Variants in ABCC9 observed in about 807,000 individuals in gnomAD.
ABCC9 encodes the protein ATP binding cassette subfamily C member 9, also known as ATP-binding cassette sub-family C member 9.
Under a neutral mutation model 188.3 loss-of-function variants are expected in ABCC9, and 95 were observed. That is an observed-to-expected ratio of 0.50 (90% confidence interval 0.43 to 0.60). The LOEUF (loss-of-function observed/expected upper bound fraction) is 0.60. ABCC9 is among the 20% of genes least tolerant of loss of function. The pLI is 0.00. For missense variants in ABCC9, 1,102 were observed against 1,876.3 expected, an observed-to-expected ratio of 0.59 and a Z score of 7.62; for synonymous variants, 659 against 652.7, an observed-to-expected ratio of 1.01 and a Z score of -0.15.
intron 33 of ABCC9, among the ~76,000 whole-genome samples, 190 bp from the exon 34 acceptor site, chr12:21,816,083 T>G (rs1942627149): frequency 1.0e-5 from 1 of 98,472 alleles, no homozygotes; most frequent in Non-Finnish European, 2.0e-5. Flanking sequence ...TTTTTTTTAG[T>G]TTAAATCACA....
intron 39 of ABCC9, chr12:21,805,150 C>G (rs1293483418): frequency 5.6e-6 from 9 of 1,613,754 alleles, no homozygotes; most frequent in Non-Finnish European, 7.6e-6. Flanking sequence ...GAATGACAGA[C>G]TTGGTGCAAT....
At chr12:21,838,459 T>C (rs1384887955) in intron 29 of ABCC9, among the ~76,000 whole-genome samples, 2 of 152,220 alleles carry the variant, frequency 1.3e-5, no homozygotes, top group Non-Finnish European at 2.9e-5. Flanking sequence ...GAATGAGCAC[T>C]TAATTCATAC....
At position 21,800,515 on chromosome 12, in the gene ABCC9, AAAG is replaced by A. The variant is rs1437644189; in HGVS notation, c.*526_*528del. ...TTGGTGACAAGAAACAAAAGGGAAAAAAGAAGGCTCTTAAGAAAAATAGGTATT... is the reference window on the plus strand; with the variant it reads ...TTGGTGACAAGAAACAAAAGGGAAAAAAGGCTCTTAAGAAAAATAGGTATT... On this transcript the variant is annotated 3_prime_UTR_variant, in exon 40 of 40. Coordinates refer to ENST00000261200, the MANE Select transcript of ABCC9 (RefSeq NM_020297.4). 1 of 155,326 alleles carries A rather than the reference AAAG, an allele frequency of 6.4e-6. No individual in the cohort carries two copies. The highest frequency in any genetic ancestry group is 2.4e-5 in the African/African-American group (1 of 41,468). 9.6% of individuals were successfully genotyped at this position (155,326 alleles called of 1,614,324 possible).
At position 21,797,672 on chromosome 12, in the gene ABCC9, A is replaced by G. The variant is rs904004307; in HGVS notation, c.*3372T>C. ...CAAGACATGGTCCCGAATCTCAGTT[A>G]TCAGTTACTTAGAGGGTCTTCTGGT... On this transcript the variant is annotated 3_prime_UTR_variant, in exon 40 of 40. Transcript: ENST00000261200. The G allele has an allele frequency of 2.6e-5, 4 of 152,198 alleles. No individual in the cohort carries two copies. Among genetic ancestry groups the G allele is most frequent in the Non-Finnish European group, 4.4e-5 (3 of 68,026 alleles). The allele number at this position is 152,198 out of a possible 1,614,324, so 9.4% of individuals were successfully genotyped here. A position where few individuals can be genotyped will look rare whatever the true frequency, so the allele number is the denominator to read the frequency against.
At chr12:21,914,762 T>C (rs2137904796) in intron 7 of ABCC9, among the ~76,000 whole-genome samples, 1 of 152,296 alleles carries the variant, frequency 6.6e-6, no homozygotes, top group African/African-American at 2.4e-5. Context: ...CATGTATTAA[T>C]GGAGCAACTA....
At chr12:21,860,047 AC>A (rs1285284376) in intron 21 of ABCC9, among the ~76,000 whole-genome samples, 1 of 152,014 alleles carries the variant, frequency 6.6e-6, no homozygotes, top group African/African-American at 2.4e-5. Context: ...GTGAAAGAGT[AC>A]TATCCAAGAG....
intron 15 of ABCC9, among the ~76,000 whole-genome samples, chr12:21,883,392 G>T (rs997185743): frequency 5.9e-5 from 9 of 152,198 alleles, no homozygotes; most frequent in African/African-American, 2.2e-4. Flanking sequence ...ACATAGGGGA[G>T]TTCCCCTGCA....
chr12:21,910,790 C>G, intron 9 of ABCC9, 36 bp downstream of exon 9: 1 of 1,580,508 alleles, frequency 6.3e-7, no homozygotes, highest in South Asian at 1.1e-5. Context: ...ATATAGCATT[C>G]TTAGGAAACA....
chr12:21,917,393 T>C (rs756230390), intron 5 of ABCC9, among the ~76,000 whole-genome samples: 74 of 152,178 alleles, frequency 4.9e-4, no homozygotes, highest in Non-Finnish European at 1.5e-4. Flanking sequence ...AAAATGTACG[T>C]GTAAGTCTAT....
intron 30 of ABCC9, among the ~76,000 whole-genome samples, chr12:21,830,244 C>G (rs939860195): frequency 3.3e-5 from 5 of 152,176 alleles, no homozygotes; most frequent in Non-Finnish European, 7.3e-5. Context: ...AAAATCTTCT[C>G]TAAATCACAA....
At chr12:21,887,168 G>C (rs1000286404) in intron 15 of ABCC9, among the ~76,000 whole-genome samples, 1 of 152,070 alleles carries the variant, frequency 6.6e-6, no homozygotes, top group African/African-American at 2.4e-5. Context: ...TTTAAATAAA[G>C]CTTATTCATA....
chr12:21,873,539 C>T (rs1027137173), intron 17 of ABCC9, among the ~76,000 whole-genome samples: 1 of 152,092 alleles, frequency 6.6e-6, no homozygotes, highest in South Asian at 2.1e-4. Flanking sequence ...ATCCCTACAG[C>T]ATTTTTTACA....
intron 22 of ABCC9, among the ~76,000 whole-genome samples, chr12:21,858,440 A>T (rs1031316606): frequency 2.0e-5 from 3 of 151,840 alleles, no homozygotes; most frequent in African/African-American, 7.3e-5. Flanking sequence ...ATAGCCAAGT[A>T]TGGTGGTATG....
chr12:21,848,056 G>T, intron 25 of ABCC9, 94 bp downstream of exon 25: 2 of 1,064,840 alleles, frequency 1.9e-6, no homozygotes, highest in Non-Finnish European at 2.9e-6. Flanking sequence ...CTGGCAAAGT[G>T]GCTTATTATT....
intron 14 of ABCC9, among the ~76,000 whole-genome samples, chr12:21,891,579 T>C (rs370888094): frequency 1.3e-5 from 2 of 152,240 alleles, no homozygotes; most frequent in East Asian, 1.9e-4. Context: ...AGCCAAACCT[T>C]ATTAAAAGAA....
intron 18 of ABCC9, among the ~76,000 whole-genome samples, chr12:21,871,668 C>T (rs979748525): frequency 6.6e-6 from 1 of 152,164 alleles, no homozygotes; most frequent in Non-Finnish European, 1.5e-5. Flanking sequence ...AACCTCAGCA[C>T]AATTGATATT....
chr12:21,799,136 T>C lies in ABCC9; in HGVS notation c.*1908A>G, dbSNP rs1251066961. The C allele has an allele frequency of 1.3e-5, 2 of 149,562 alleles. No individual in the cohort carries two copies. Among genetic ancestry groups the C allele is most frequent in the Non-Finnish European group, 3.0e-5 (2 of 67,558 alleles). 9.3% of individuals were successfully genotyped at this position (149,562 alleles called of 1,614,324 possible). Reference sequence around the variant, plus strand: ...TGGGGAGGGATAGCATTGGGAGATATACCTAATGCTAGATGACGAGTTAGT... The same window carrying C: ...TGGGGAGGGATAGCATTGGGAGATACACCTAATGCTAGATGACGAGTTAGT... On this transcript the variant is annotated 3_prime_UTR_variant, in exon 40 of 40. Transcript: ENST00000261200.
intron 33 of ABCC9, 143 bp downstream of exon 33, chr12:21,817,044 A>G (rs1942693734): frequency 4.6e-6 from 4 of 878,268 alleles, no homozygotes; most frequent in South Asian, 1.5e-5. Flanking sequence ...TCCGGTGTAC[A>G]TAATCAAGCA....
chr12:21,810,201 T>C (rs1298723488), intron 36 of ABCC9, among the ~76,000 whole-genome samples: 1 of 152,176 alleles, frequency 6.6e-6, no homozygotes, highest in Non-Finnish European at 1.5e-5. Context: ...ATACATTATA[T>C]CATATTATCA....
Sources: gnomAD v4.1 joint callset for allele counts (sites outside exome capture counted in the v4.1 genomes callset) on GRCh38, gnomAD v4.1.1 for gene constraint, MANE v1.5 for transcripts, NCBI Gene and HGNC (gene_info 2026-07-23, HGNC 2026-07-21) for gene names.